STXBP5: variants seen among roughly 807,000 people sequenced by gnomAD.
STXBP5 encodes syntaxin-binding protein 5.
STXBP5 carries 50 observed loss-of-function variants against 152.4 expected under a neutral mutation model. The ratio of observed to expected loss-of-function variants is 0.33; its 90% CI spans 0.26 to 0.42. The LOEUF is 0.42. Ranked by LOEUF, STXBP5 falls within the 10% of genes least tolerant of loss-of-function variation. STXBP5 has a pLI of 1.00. For missense variants in STXBP5, 1,167 were observed against 1,388.6 expected, an observed-to-expected ratio of 0.84 and a Z score of 2.54; for synonymous variants, 492 against 494.7, an observed-to-expected ratio of 0.99 and a Z score of 0.07.
At chr6:147,289,308 C>T (rs974722341) in intron 8 of STXBP5, among the ~76,000 whole-genome samples, 1 of 152,172 alleles carries the variant, frequency 6.6e-6, no homozygotes, top group African/African-American at 2.4e-5. Flanking sequence ...TTTCCCTAGC[C>T]ATTCATAGAC....
At chr6:147,318,898 A>G (rs1582937394) in intron 16 of STXBP5, among the ~76,000 whole-genome samples, 2 of 152,156 alleles carry the variant, frequency 1.3e-5, no homozygotes, top group South Asian at 2.1e-4. Flanking sequence ...TTTATAGGCA[A>G]TTTGTTTTAA....
At chr6:147,376,899 T>G (rs1785837280) in intron 26 of STXBP5, among the ~76,000 whole-genome samples, 1 of 152,032 alleles carries the variant, frequency 6.6e-6, no homozygotes, top group Admixed American at 6.6e-5. Flanking sequence ...AAAGGTGAAA[T>G]TTAAAAAGAT....
rs1332008903 is a variant in STXBP5, at chr6:147,389,830, A to G, written c.*5075A>G. 1 of 150,946 alleles carries G rather than the reference A, an allele frequency of 6.6e-6. No individual in the cohort carries two copies. Among genetic ancestry groups the G allele is most frequent in the Non-Finnish European group, 1.5e-5 (1 of 67,706 alleles). The allele number at this position is 150,946 out of a possible 1,614,324, so 9.4% of individuals were successfully genotyped here. A position where few individuals can be genotyped will look rare whatever the true frequency, so the allele number is the denominator to read the frequency against. On this transcript the variant is annotated 3_prime_UTR_variant, in exon 28 of 28. Transcript: ENST00000321680. ...GGGTAAATCTTGTTTTAATTTTTTT[A>G]ACTTTTTTTTTTTGTAAATAAATAG...
At chr6:147,230,527 C>G (rs1450366704) in intron 2 of STXBP5, among the ~76,000 whole-genome samples, 1 of 151,938 alleles carries the variant, frequency 6.6e-6, no homozygotes, top group South Asian at 2.1e-4. Flanking sequence ...TAGAATTAGA[C>G]CAATCTGGGT....
chr6:147,308,893 A>G (rs1373793029), intron 9 of STXBP5, among the ~76,000 whole-genome samples: 1 of 152,150 alleles, frequency 6.6e-6, no homozygotes, highest in Non-Finnish European at 1.5e-5. Context: ...TGACAATTTG[A>G]TGATATAATA....
At chr6:147,341,785 A>C (rs548735259) in intron 21 of STXBP5, among the ~76,000 whole-genome samples, 11 of 152,068 alleles carry the variant, frequency 7.2e-5, no homozygotes, top group Non-Finnish European at 1.5e-4. Context: ...ACTGCCTGAC[A>C]GTACAGCTGA....
intron 21 of STXBP5, among the ~76,000 whole-genome samples, chr6:147,353,071 A>G (rs1415569687): frequency 5.3e-5 from 8 of 152,010 alleles, no homozygotes; most frequent in Non-Finnish European, 1.2e-4. Flanking sequence ...TTGAGCCCAG[A>G]TGATTGAGGC....
At chr6:147,348,225 G>A (rs890952603) in intron 21 of STXBP5, among the ~76,000 whole-genome samples, 5 of 152,024 alleles carry the variant, frequency 3.3e-5, no homozygotes, top group African/African-American at 9.7e-5. Context: ...CAAAGCCTTG[G>A]TAGATACTGC....
intron 2 of STXBP5, among the ~76,000 whole-genome samples, chr6:147,231,193 T>G (rs556715704): frequency 2.9e-4 from 44 of 150,436 alleles, no homozygotes; most frequent in African/African-American, 7.4e-4. Context: ...TTTTATCATG[T>G]TTTTTTTTCC....
chr6:147,342,520 T>C (rs1227444685), intron 21 of STXBP5, among the ~76,000 whole-genome samples: 1 of 152,214 alleles, frequency 6.6e-6, no homozygotes, highest in East Asian at 1.9e-4. Flanking sequence ...TTCATGCATG[T>C]AGTATGTATG....
intron 18 of STXBP5, 102 bp downstream of exon 18, chr6:147,327,378 AT>A: frequency 7.3e-7 from 1 of 1,371,726 alleles, no homozygotes; most frequent in Non-Finnish European, 9.7e-7. Context: ...AGCTTGCCTG[AT>A]TTAGTCTGTA....
At chr6:147,322,688 A>G (rs1782997740) in intron 16 of STXBP5, among the ~76,000 whole-genome samples, 1 of 152,246 alleles carries the variant, frequency 6.6e-6, no homozygotes, top group African/African-American at 2.4e-5. Context: ...TGCTACAGCA[A>G]TTACTAGGCA....
intron 26 of STXBP5, among the ~76,000 whole-genome samples, chr6:147,379,234 G>T (rs1401782492): frequency 6.6e-6 from 1 of 152,136 alleles, no homozygotes; most frequent in East Asian, 1.9e-4. Context: ...TATATAAGGT[G>T]ACATATTCAC....
intron 2 of STXBP5, among the ~76,000 whole-genome samples, chr6:147,222,767 T>C (rs2115097276): frequency 6.6e-6 from 1 of 152,342 alleles, no homozygotes; most frequent in African/African-American, 2.4e-5. Flanking sequence ...TCTCCAATAT[T>C]CATTGTGAGA....
At chr6:147,228,191 C>A (rs1376491115) in intron 2 of STXBP5, among the ~76,000 whole-genome samples, 1 of 151,750 alleles carries the variant, frequency 6.6e-6, no homozygotes, top group East Asian at 1.9e-4. Flanking sequence ...TTTACTCTTT[C>A]ACTTTATTGG....
chr6:147,273,532 G>A (rs1780285327), intron 7 of STXBP5, among the ~76,000 whole-genome samples: 1 of 152,138 alleles, frequency 6.6e-6, no homozygotes, highest in Admixed American at 6.5e-5. Context: ...TTGGTTTCAT[G>A]TTGGTTTTTC....
intron 26 of STXBP5, among the ~76,000 whole-genome samples, chr6:147,381,734 C>T (rs945052884): frequency 4.2e-4 from 64 of 152,098 alleles, no homozygotes; most frequent in Admixed American, 2.4e-3. Flanking sequence ...CATGCTACAA[C>T]ATCAATAACC....
intron 26 of STXBP5, among the ~76,000 whole-genome samples, chr6:147,379,086 A>G (rs1785949644): frequency 6.8e-6 from 1 of 147,926 alleles, no homozygotes; most frequent in African/African-American, 2.6e-5. Flanking sequence ...TTCTGAAGCC[A>G]CATCTGTCTG....
chr6:147,383,570 A>AATT (rs1386202095), intron 27 of STXBP5, among the ~76,000 whole-genome samples: 2 of 152,058 alleles, frequency 1.3e-5, no homozygotes, highest in Admixed American at 1.3e-4. Context: ...TCGTGCTCTT[A>AATT]AAAAGCTGAA....
Sources: gnomAD v4.1 joint callset for allele counts (sites outside exome capture counted in the v4.1 genomes callset) on GRCh38, gnomAD v4.1.1 for gene constraint, MANE v1.5 for transcripts, NCBI Gene and HGNC (gene_info 2026-07-23, HGNC 2026-07-21) for gene names.